CANX: variants seen among roughly 807,000 people sequenced by gnomAD.
CANX encodes the protein calnexin, also known as epididymis secretory sperm binding protein.
A neutral mutation model predicts 75.7 loss-of-function variants in CANX; 14 were observed. The observed-to-expected ratio is 0.19, with a 90% CI of 0.12 to 0.29. The LOEUF is 0.29. Ranked by LOEUF, CANX falls within the 10% of genes least tolerant of loss-of-function variation. The pLI is 1.00. For missense variants in CANX, 567 were observed against 713.2 expected (o/e 0.79, Z 2.34); for synonymous variants, 227 against 236.9 (o/e 0.96, Z 0.38).
At chr5:179,698,614 C>G, upstream of CANX, 1 of 1,285,796 alleles carries the variant, frequency 7.8e-7, no homozygotes, top group Non-Finnish European at 1.0e-6. Flanking sequence ...GTGAGGGCTA[C>G]TGGGGGTTGG....
chr5:179,708,217 A>T, intron 4 of CANX, 22 bp from the exon 5 acceptor site: 2 of 1,611,076 alleles, frequency 1.2e-6, no homozygotes, highest in South Asian at 2.2e-5. Flanking sequence ...AAGCAGTGGA[A>T]CTTTTTTGTG....
chr5:179,678,967 C>A (rs913333521), intron 1 of CANX: 1 of 1,535,822 alleles, frequency 6.5e-7, no homozygotes, highest in Non-Finnish European at 8.7e-7. Flanking sequence ...CGAGGCCCAG[C>A]TCGGCCTGGC....
At position 179,683,232 on chromosome 5, in the gene CANX, A is replaced by T. The variant is rs571331880; in HGVS notation, c.-4+4455A>T. Reference sequence around the variant, plus strand: ...CGACCTCCACTTCGAGGTTCACACCATTCTCCTGCCTCAGCCTCTCAAGTA... The same window carrying T: ...CGACCTCCACTTCGAGGTTCACACCTTTCTCCTGCCTCAGCCTCTCAAGTA... On this transcript the variant is annotated intron_variant, in intron 1 of 14. Transcript: ENST00000681674. Among the ~76,000 whole-genome samples, 7 of 152,082 alleles carry T rather than the reference A, an allele frequency of 4.6e-5. No homozygotes were observed. The South Asian group carries it at 1.5e-3, about 32-fold the overall frequency.
At chr5:179,702,332 G>A (rs932447007) in intron 1 of CANX, among the ~76,000 whole-genome samples, 3 of 151,672 alleles carry the variant, frequency 2.0e-5, no homozygotes, top group African/African-American at 7.3e-5. Context: ...GATTACACGC[G>A]CGAGCCACGA....
At chr5:179,681,964 A>G (rs59906025) in intron 1 of CANX, among the ~76,000 whole-genome samples, 58,550 of 146,280 alleles carry the variant, frequency 0.4, 11,929 homozygotes, top group South Asian at 0.56. Context: ...AAAAAAAAAA[A>G]GAGGGCCAGG....
chr5:179,684,390 C>CTT (rs559968980), intron 1 of CANX, among the ~76,000 whole-genome samples: 7 of 134,908 alleles, frequency 5.2e-5, no homozygotes, highest in East Asian at 2.2e-4. Flanking sequence ...GCTAGTAAGC[C>CTT]TTTTTTTTTT....
intron 7 of CANX, among the ~76,000 whole-genome samples, chr5:179,713,537 AG>A (rs1303226612): frequency 2.0e-5 from 3 of 152,236 alleles, no homozygotes; most frequent in Admixed American, 6.5e-5. Context: ...AATATTTGAT[AG>A]TACAGTAGGG....
intron 1 of CANX, among the ~76,000 whole-genome samples, chr5:179,687,758 G>C (rs896962788): frequency 3.3e-5 from 5 of 152,106 alleles, no homozygotes; most frequent in African/African-American, 9.6e-5. Context: ...TTTCAGCCAC[G>C]CACGGTGGCT....
At chr5:179,706,046 A>G (rs527630214) in intron 2 of CANX, among the ~76,000 whole-genome samples, 194 bp downstream of exon 2, 1 of 152,260 alleles carries the variant, frequency 6.6e-6, no homozygotes, top group South Asian at 2.1e-4. Context: ...ATAAATTTGG[A>G]ACGTTTTCAA....
chr5:179,711,579 A>G (rs575936375), intron 7 of CANX, among the ~76,000 whole-genome samples: 1 of 152,158 alleles, frequency 6.6e-6, no homozygotes, highest in Admixed American at 6.5e-5. Context: ...ACCTGAGGTC[A>G]GGAGTTTAAG....
upstream of CANX, among the ~76,000 whole-genome samples, chr5:179,696,788 C>T (rs1468963181): frequency 6.6e-6 from 1 of 152,208 alleles, no homozygotes; most frequent in African/African-American, 2.4e-5. Context: ...AGAATGTAAA[C>T]AGGCTGTAAA....
At chr5:179,705,558 A>AGTAAG (rs1777072794) in intron 1 of CANX, 121 bp from the exon 2 acceptor site, 1 of 726,522 alleles carries the variant, frequency 1.4e-6, no homozygotes, top group Admixed American at 2.4e-5. Context: ...GAAATGAAAT[A>AGTAAG]GTAAGTTCTT....
chr5:179,698,718 C>T (rs1776508610), upstream of CANX: 1 of 785,406 alleles, frequency 1.3e-6, no homozygotes, highest in Non-Finnish European at 1.9e-6. Context: ...GGTCTCGATC[C>T]AGCGTGGCCC....
At position 179,722,825 on chromosome 5, in the gene CANX, A is replaced by G. The variant is rs1778398334; in HGVS notation, c.1204A>G (p.Ile402Val). 6.2e-7 allele frequency: 1 copy of G among 1,611,998 alleles called. No individual in the cohort carries two copies. Among genetic ancestry groups the G allele is most frequent in the Admixed American group, 1.7e-5 (1 of 59,902 alleles). The change falls in exon 11 of 15, where the codon ATA (isoleucine) becomes GTA (valine). Residue 402 changes from isoleucine to valine, a missense_variant. This residue lies in a region of CANX where 49 missense variants were observed against 100.1 expected (regional missense o/e 0.49). Transcript: ENST00000247461. The part of the protein sequence containing the change: ...SYQGIWKPRK[I>V]PNPDFFEDLE... ...CTAGGGAATCTGGAAACCCAGGAAAATACCAAATCCAGATTTCTTTGAAGA... is the reference window on the plus strand; with the variant it reads ...CTAGGGAATCTGGAAACCCAGGAAAGTACCAAATCCAGATTTCTTTGAAGA...
upstream of CANX, among the ~76,000 whole-genome samples, chr5:179,698,222 C>G (rs573440580): frequency 1.3e-5 from 2 of 152,240 alleles, no homozygotes; most frequent in Non-Finnish European, 2.9e-5. Context: ...ACCATCCTTT[C>G]TCTCGTCCTG....
intron 14 of CANX, 63 bp from the exon 15 acceptor site, chr5:179,728,528 T>C: frequency 1.0e-6 from 1 of 1,001,412 alleles, no homozygotes; most frequent in Non-Finnish European, 1.6e-6. Context: ...ATCTTGAAAA[T>C]ATGGTGAACT....
At chr5:179,718,243 C>T (rs1256625519) in intron 8 of CANX, among the ~76,000 whole-genome samples, 2 of 152,096 alleles carry the variant, frequency 1.3e-5, no homozygotes, top group Non-Finnish European at 2.9e-5. Flanking sequence ...GTGGCACGAT[C>T]TCGTCTCATT....
At chr5:179,702,724 A>G (rs903856110) in intron 1 of CANX, among the ~76,000 whole-genome samples, 1 of 150,980 alleles carries the variant, frequency 6.6e-6, no homozygotes, top group Non-Finnish European at 1.5e-5. Flanking sequence ...AGGCAGTCTT[A>G]CTCTGTTGCC....
intron 7 of CANX, among the ~76,000 whole-genome samples, chr5:179,715,687 A>G (rs1410799745): frequency 1.2e-4 from 18 of 152,348 alleles, no homozygotes. Flanking sequence ...TAACGTAATA[A>G]TACCAGCTCT....
Sources: allele counts gnomAD v4.1 joint callset (sites outside exome capture counted in the v4.1 genomes callset), GRCh38; gene constraint gnomAD v4.1.1; regional missense constraint gnomAD v4.1.1; transcripts MANE v1.5; gene names NCBI Gene and HGNC (gene_info 2026-07-23, HGNC 2026-07-21).